PLEKHA1: variants seen among roughly 807,000 people sequenced by gnomAD.
The protein encoded by PLEKHA1 is pleckstrin homology domain-containing family A member 1.
In PLEKHA1, 34 loss-of-function variants were observed where a neutral mutation model predicts 52.0. The ratio of observed to expected loss-of-function variants is 0.65; its 90% CI spans 0.50 to 0.87. The LOEUF (loss-of-function observed/expected upper bound fraction) is 0.87, where lower values mean the gene tolerates loss of function less well. Ranked by LOEUF, PLEKHA1 falls within the 40% of genes least tolerant of loss-of-function variation. The probability of loss-of-function intolerance (pLI) is 0.00; values close to 1 mark genes in which losing one functional copy is unlikely to be tolerated. For synonymous variants in PLEKHA1, 163 were observed against 170.7 expected (o/e 0.95, Z 0.35); for missense variants, 497 against 504.2 (o/e 0.99, Z 0.14).
chr10:122,428,558 AAG>A (rs2097373176), intron 11 of PLEKHA1: 4 of 784,036 alleles, frequency 5.1e-6, no homozygotes, highest in Admixed American at 4.3e-5. Flanking sequence ...TACTAACAGA[AAG>A]AGACATTAAC....
intron 8 of PLEKHA1, 189 bp downstream of exon 8, chr10:122,418,157 A>AT: frequency 2.1e-6 from 1 of 471,096 alleles, no homozygotes; most frequent in African/African-American, 2.0e-5. Context: ...TTAAGTAAAA[A>AT]GATCCTATCT....
chr10:122,375,703 C>G (rs1294963418), intron 1 of PLEKHA1, among the ~76,000 whole-genome samples: 1 of 152,100 alleles, frequency 6.6e-6, no homozygotes, highest in African/African-American at 2.4e-5. Context: ...CTACCGTGGT[C>G]TGGGCGTATA....
chr10:122,376,438 G>A (rs1175111113), intron 1 of PLEKHA1, among the ~76,000 whole-genome samples: 3 of 150,610 alleles, frequency 2.0e-5, no homozygotes, highest in African/African-American at 4.9e-5. Context: ...TCTACTGACA[G>A]TTTTCTCTTG....
chr10:122,393,192 A>G lies in PLEKHA1; in HGVS notation c.-9A>G. On this transcript the variant is annotated 5_prime_UTR_variant, in exon 2 of 12. Coordinates refer to ENST00000368990, the MANE Select transcript of PLEKHA1 (RefSeq NM_001001974.4). The surrounding 1 kb of genome is among the most constrained non-coding windows in gnomAD (Gnocchi z 4.5). ...TTTTTATTTTACAGTGTAATGTTCA[A>G]GCTCAGAAATGCCTTATGTGGATCG... 6.2e-7 allele frequency: 1 copy of G among 1,606,226 alleles called. No homozygotes were observed. The highest frequency in any genetic ancestry group is 8.5e-7 in the Non-Finnish European group (1 of 1,176,904).
chr10:122,416,521 T>G (rs1429609241), intron 7 of PLEKHA1, among the ~76,000 whole-genome samples: 1 of 152,176 alleles, frequency 6.6e-6, no homozygotes, highest in Non-Finnish European at 1.5e-5. Context: ...TTTTGTTTTG[T>G]TTTTGTTTTT....
chr10:122,385,871 T>G (rs2096687616), intron 1 of PLEKHA1, among the ~76,000 whole-genome samples: 1 of 152,244 alleles, frequency 6.6e-6, no homozygotes, highest in African/African-American at 2.4e-5. Context: ...ACATTTTGTT[T>G]ATTCGTACAC....
intron 4 of PLEKHA1, among the ~76,000 whole-genome samples, chr10:122,404,699 A>T (rs1326338078): frequency 6.6e-6 from 1 of 152,240 alleles, no homozygotes; most frequent in Non-Finnish European, 1.5e-5. Context: ...CTCTAGAAAG[A>T]TGTACAAGAA....
At position 122,411,296 on chromosome 10, in the gene PLEKHA1, A is replaced by G. The variant is rs550810685; in HGVS notation, c.343-1624A>G. Reference sequence around the variant, plus strand: ...GGAGGCAGGTGGAGAAGGAAGGGAGAGGGAGTTTTAGAAGTCACTTAAGAG... The same window carrying G: ...GGAGGCAGGTGGAGAAGGAAGGGAGGGGGAGTTTTAGAAGTCACTTAAGAG... On this transcript the variant is annotated intron_variant, in intron 5 of 11. Coordinates refer to ENST00000368990, the MANE Select transcript of PLEKHA1 (RefSeq NM_001001974.4). Among the ~76,000 whole-genome samples, 16 of 152,260 alleles carry G rather than the reference A, an allele frequency of 1.1e-4. 1 individual carries two copies. The South Asian group carries it at 1.7e-3, about 16-fold the overall frequency.
At chr10:122,404,067 A>C (rs1172848782) in intron 4 of PLEKHA1, among the ~76,000 whole-genome samples, 1 of 152,158 alleles carries the variant, frequency 6.6e-6, no homozygotes, top group African/African-American at 2.4e-5. Context: ...TATACCAAGC[A>C]CTGTGTTAGT....
chr10:122,439,258 C>G, the PLEKHA1 span: 1 of 151,974 alleles, frequency 6.6e-6, no homozygotes. Context: ...TAAAAATCTG[C>G]TAGATTTTGT....
At chr10:122,377,416 A>G (rs1194978401) in intron 1 of PLEKHA1, among the ~76,000 whole-genome samples, 1 of 152,172 alleles carries the variant, frequency 6.6e-6, no homozygotes, top group Non-Finnish European at 1.5e-5. Context: ...ATCTTGTTTT[A>G]GATCTGCAAT....
At chr10:122,429,551 A>C in intron 11 of PLEKHA1, 73 bp from the exon 12 acceptor site, 1 of 1,341,780 alleles carries the variant, frequency 7.5e-7, no homozygotes, top group Non-Finnish European at 1.0e-6. Context: ...TTTTCAGAGA[A>C]TCAAGTCTCA....
Position 122,412,979 on chromosome 10 carries a change from T to TG in PLEKHA1, c.405dup (p.Lys136GlufsTer9). 6.2e-7 allele frequency: 1 copy of TG among 1,613,542 alleles called. No individual in the cohort carries two copies. The highest frequency in any genetic ancestry group is 8.5e-7 in the Non-Finnish European group (1 of 1,179,626). On this transcript the variant is annotated frameshift_variant, in exon 6 of 12. Coordinates refer to ENST00000368990, the MANE Select transcript of PLEKHA1 (RefSeq NM_001001974.4). LOFTEE classifies it high-confidence loss of function. ...ATAACCTAAGTCGCCATGGTGAATG[T>TG]GGGAAAAAGCAAGTGTCTTACAGAA...
intron 6 of PLEKHA1, among the ~76,000 whole-genome samples, chr10:122,415,021 G>T (rs2097153523): frequency 6.6e-6 from 1 of 151,996 alleles, no homozygotes; most frequent in Non-Finnish European, 1.5e-5. Flanking sequence ...GTTGATAGCA[G>T]CTTTTTTCCT....
rs1206815327 is a variant in PLEKHA1, at chr10:122,429,698, C to T, written c.975C>T (p.Ser325=). ...PTNAATATSH[S]TASRSNSLVS... is the part of the protein sequence containing the mutation. The stretch of plus-strand genomic sequence containing the variant: ...ACGCAGCCACCGCCACCTCACATTC[C>T]ACAGCCTCTCGCAGCAACTCTTTGG... Residue 325 remains serine (S), a synonymous_variant, in exon 12 of 12, where the codon TCC becomes TCT. Transcript: ENST00000368990. 10 of 1,614,012 alleles carry T rather than the reference C, an allele frequency of 6.2e-6. No individual in the cohort carries two copies. The highest frequency in any genetic ancestry group is 2.7e-5 in the African/African-American group (2 of 74,886).
In PLEKHA1 at chr10:122,397,913, T is replaced by C. The variant is rs1410301574; in HGVS notation, c.142-5T>C. On this transcript the variant is annotated splice_polypyrimidine_tract_variant and splice_region_variant and intron_variant, in intron 2 of 11. Transcript: ENST00000368990. The stretch of plus-strand genomic sequence containing the variant: ...ATTAAGTATATATTAATACTTTGTT[T>C]CTAGAACCTACCTTCTGGATCATCA... The C allele has an allele frequency of 6.3e-7, 1 of 1,596,930 alleles. No individual in the cohort carries two copies. Among genetic ancestry groups the C allele is most frequent in the Non-Finnish European group, 8.6e-7 (1 of 1,166,198 alleles).
Position 122,425,713 on chromosome 10 carries a change from CAAAA to C in PLEKHA1, c.810+773_810+776del, listed in dbSNP as rs11367637. 452 of 99,282 alleles carry C rather than the reference CAAAA, an allele frequency of 4.6e-3. 1 individual carries two copies. Among genetic ancestry groups the C allele is most frequent in the Non-Finnish European group, 6.8e-3 (342 of 50,308 alleles). 6.2% of individuals were successfully genotyped at this position (99,282 alleles called of 1,614,324 possible). A position where few individuals can be genotyped will look rare whatever the true frequency, so the allele number is the denominator to read the frequency against. On this transcript the variant is annotated intron_variant, in intron 10 of 11. Transcript: ENST00000368990. ...AGCCTGGGTGACAGAGACCCTGTCT[CAAAA>C]AAAAAAAAAAAAAAAAAATCAAAAA...
intron 1 of PLEKHA1, among the ~76,000 whole-genome samples, chr10:122,376,551 A>G (rs1233877762): frequency 6.7e-6 from 1 of 149,814 alleles, no homozygotes; most frequent in Non-Finnish European, 1.5e-5. Flanking sequence ...ATATATGTGT[A>G]TACACACCGC....
chr10:122,395,810 G>A (rs755751242), intron 2 of PLEKHA1, among the ~76,000 whole-genome samples: 11 of 152,116 alleles, frequency 7.2e-5, no homozygotes. Context: ...GGGGCTTCCT[G>A]TGTTTTGTCC....
Sources: allele counts gnomAD v4.1 joint callset (sites outside exome capture counted in the v4.1 genomes callset), GRCh38; gene constraint gnomAD v4.1.1; non-coding constraint Gnocchi (gnomAD v3.1); transcripts MANE v1.5; gene names NCBI Gene and HGNC (gene_info 2026-07-23, HGNC 2026-07-21).